Variants in PELI1 observed in about 807,000 individuals in gnomAD.
PELI1 encodes pellino E3 ubiquitin protein ligase 1.
Under a neutral mutation model 41.3 loss-of-function variants are expected in PELI1, and 15 were observed. The ratio of observed to expected loss-of-function variants is 0.36; its 90% CI spans 0.24 to 0.56. The LOEUF (loss-of-function observed/expected upper bound fraction) is 0.56, where lower values mean the gene tolerates loss of function less well. Ranked by LOEUF, PELI1 falls within the 20% of genes least tolerant of loss-of-function variation. The pLI, the probability that PELI1 is intolerant of heterozygous loss-of-function variation, is 0.82. For missense variants in PELI1, 403 were observed against 525.5 expected (o/e 0.77, Z 2.28); for synonymous variants, 178 against 180.1 (o/e 0.99, Z 0.09).
chr2:64,141,071 G>A (rs1372958857), intron 1 of PELI1, among the ~76,000 whole-genome samples: 1 of 152,112 alleles, frequency 6.6e-6, no homozygotes, highest in Non-Finnish European at 1.5e-5. Flanking sequence ...GGAAAAGATG[G>A]CTAGAAATCT....
chr2:64,131,153 C>T (rs561294758), intron 1 of PELI1, among the ~76,000 whole-genome samples: 1 of 151,956 alleles, frequency 6.6e-6, no homozygotes, highest in South Asian at 2.1e-4. Flanking sequence ...TTGCTTAAGA[C>T]ATTAAAAAAC....
chr2:64,130,720 A>G (rs978251103), intron 1 of PELI1, among the ~76,000 whole-genome samples: 1 of 152,230 alleles, frequency 6.6e-6, no homozygotes, highest in Non-Finnish European at 1.5e-5. Flanking sequence ...AAAAGCATAC[A>G]TATTTCTATA....
intron 4 of PELI1, among the ~76,000 whole-genome samples, chr2:64,099,165 TACACACAC>T (rs70965174): frequency 0.016 from 2,281 of 144,882 alleles, 35 homozygotes; most frequent in African/African-American, 0.035. Context: ...ATCTTGGAGA[TACACACAC>T]ACACACACAC....
At chr2:64,108,198 A>G (rs2103690119) in intron 2 of PELI1, 42 bp downstream of exon 2, 5 of 1,091,014 alleles carry the variant, frequency 4.6e-6, no homozygotes, top group Non-Finnish European at 6.9e-6. Flanking sequence ...AAGTTAGCAT[A>G]TATTATTAAA....
intron 1 of PELI1, among the ~76,000 whole-genome samples, chr2:64,118,482 T>C (rs1328566147): frequency 1.3e-5 from 2 of 152,098 alleles, no homozygotes; most frequent in African/African-American, 2.4e-5. Context: ...GAATTTCCTA[T>C]AGAAAGAAAA....
At chr2:64,100,277 C>A in intron 4 of PELI1, 121 bp downstream of exon 4, 1 of 616,962 alleles carries the variant, frequency 1.6e-6, no homozygotes, top group Non-Finnish European at 2.9e-6. Context: ...AGCAATCAAT[C>A]TATATTTTAA....
At chr2:64,141,537 C>T (rs2103753409) in intron 1 of PELI1, among the ~76,000 whole-genome samples, 1 of 152,234 alleles carries the variant, frequency 6.6e-6, no homozygotes, top group East Asian at 1.9e-4. Context: ...GCTATAGAAG[C>T]TTCTGCCTAA....
chr2:64,122,030 A>G (rs2103719498), intron 1 of PELI1, among the ~76,000 whole-genome samples: 1 of 152,238 alleles, frequency 6.6e-6, no homozygotes, highest in African/African-American at 2.4e-5. Context: ...TACATTTTTT[A>G]AAAAGACAAC....
intron 1 of PELI1, among the ~76,000 whole-genome samples, chr2:64,112,695 T>C (rs72810203): frequency 0.035 from 5,314 of 152,268 alleles, 140 homozygotes; most frequent in Non-Finnish European, 0.052. Context: ...TAAAACACTT[T>C]TGTAGTACCA....
chr2:64,100,511 A>G lies in PELI1; in HGVS notation c.202-12T>C. Reference sequence around the variant, plus strand: ...TTGTTGCTTATTGCCTAAGAATGAAAAAGTTAATAGCAAAAATTAGTAGGC... The same window carrying G: ...TTGTTGCTTATTGCCTAAGAATGAAGAAGTTAATAGCAAAAATTAGTAGGC... On this transcript the variant is annotated splice_polypyrimidine_tract_variant and intron_variant, in intron 3 of 6. Transcript: ENST00000358912. 1 of 1,374,052 alleles carries G rather than the reference A, an allele frequency of 7.3e-7. No individual in the cohort carries two copies. Among genetic ancestry groups the G allele is most frequent in the Admixed American group, 1.7e-5 (1 of 58,722 alleles). The allele number at this position is 1,374,052 out of a possible 1,614,324, so 85.1% of individuals were successfully genotyped here.
intron 1 of PELI1, among the ~76,000 whole-genome samples, chr2:64,121,233 G>A (rs577808824): frequency 6.6e-6 from 1 of 152,218 alleles, no homozygotes; most frequent in African/African-American, 2.4e-5. Context: ...ATGTGATTCC[G>A]GGCTGATGAG....
intron 1 of PELI1, among the ~76,000 whole-genome samples, chr2:64,128,788 T>A (rs750040566): frequency 6.6e-6 from 1 of 152,180 alleles, no homozygotes; most frequent in South Asian, 2.1e-4. Flanking sequence ...TATTTTCACA[T>A]AGTAACATTT....
intron 3 of PELI1, among the ~76,000 whole-genome samples, chr2:64,103,351 T>TA (rs1680509430): frequency 6.6e-6 from 1 of 152,134 alleles, no homozygotes; most frequent in South Asian, 2.1e-4. Flanking sequence ...CATCTGAAAA[T>TA]ATGCTGTGCA....
chr2:64,113,444 C>T (rs562434012), intron 1 of PELI1, among the ~76,000 whole-genome samples: 1 of 152,228 alleles, frequency 6.6e-6, no homozygotes, highest in Admixed American at 6.5e-5. Flanking sequence ...CAGCCCTATC[C>T]CAATGTTATC....
intron 1 of PELI1, among the ~76,000 whole-genome samples, chr2:64,142,583 T>G (rs1681948533): frequency 6.6e-6 from 1 of 152,146 alleles, no homozygotes; most frequent in Non-Finnish European, 1.5e-5. Context: ...AAGAGGTTGT[T>G]GGTATAAATA....
chr2:64,099,125 T>G (rs1680336749), intron 4 of PELI1, among the ~76,000 whole-genome samples: 1 of 151,784 alleles, frequency 6.6e-6, no homozygotes, highest in Admixed American at 6.6e-5. Flanking sequence ...ACGTACTTTC[T>G]GAAGCTAAAA....
At position 64,096,153 on chromosome 2, in the gene PELI1, G is replaced by C; in HGVS notation, c.662C>G (p.Thr221Ser). ...TTTTCCTCTCTGCTGAGCCGATCTG[G>C]TTTCACGTAGGCTAAATACATTTCC... ...VCGNVFSLRE[T>S]RSAQQRGKMV... The change falls in exon 6 of 7, where the codon ACC becomes AGC. Residue 221 changes from threonine (T) to serine (S), a missense_variant. Transcript: ENST00000358912. 1 of 1,613,840 alleles carries C rather than the reference G, an allele frequency of 6.2e-7. No homozygotes were observed. Among genetic ancestry groups the C allele is most frequent in the Non-Finnish European group, 8.5e-7 (1 of 1,179,854 alleles).
At chr2:64,132,189 G>A (rs752806829) in intron 1 of PELI1, among the ~76,000 whole-genome samples, 2 of 151,934 alleles carry the variant, frequency 1.3e-5, no homozygotes, top group African/African-American at 4.8e-5. Context: ...GCTTGACATC[G>A]TGCTGAGAAC....
chr2:64,120,761 C>T (rs1327557566), intron 1 of PELI1, among the ~76,000 whole-genome samples: 1 of 152,152 alleles, frequency 6.6e-6, no homozygotes, highest in Non-Finnish European at 1.5e-5. Context: ...CATTCAAAGT[C>T]CCACCTATAA....
Sources: allele counts gnomAD v4.1 joint callset (sites outside exome capture counted in the v4.1 genomes callset), GRCh38; gene constraint gnomAD v4.1.1; transcripts MANE v1.5; gene names NCBI Gene and HGNC (gene_info 2026-07-23, HGNC 2026-07-21).